HPSE2: variants seen among roughly 807,000 people sequenced by gnomAD.
HPSE2 encodes inactive heparanase-2.
HPSE2 carries 38 observed loss-of-function variants against 60.5 expected under a neutral mutation model. The ratio of observed to expected loss-of-function variants is 0.63; its 90% CI spans 0.48 to 0.82. The LOEUF (loss-of-function observed/expected upper bound fraction) is 0.82, where lower values mean the gene tolerates loss of function less well. Ranked by LOEUF, HPSE2 falls within the 40% of genes least tolerant of loss-of-function variation. HPSE2 has a pLI of 0.00. For missense variants in HPSE2, 713 were observed against 740.4 expected (o/e 0.96, Z 0.43); for synonymous variants, 295 against 293.2 (o/e 1.01, Z -0.06).
chr10:99,013,454 T>G (rs964813496), intron 3 of HPSE2: 4 of 479,192 alleles, frequency 8.3e-6, no homozygotes, highest in African/African-American at 4.1e-5. Flanking sequence ...CATTAGGAAA[T>G]GTATATTATT....
intron 4 of HPSE2, among the ~76,000 whole-genome samples, chr10:98,726,280 A>G (rs1260490628): frequency 6.6e-6 from 1 of 152,160 alleles, no homozygotes; most frequent in African/African-American, 2.4e-5. Context: ...TGTGGCACAT[A>G]TACACCATGG....
At chr10:98,957,662 T>C (rs1955544483) in intron 3 of HPSE2, among the ~76,000 whole-genome samples, 1 of 152,150 alleles carries the variant, frequency 6.6e-6, no homozygotes, top group Admixed American at 6.6e-5. Context: ...ATAACGTGGC[T>C]CTGGTTCTTG....
chr10:98,942,755 C>T (rs914123315), intron 3 of HPSE2, among the ~76,000 whole-genome samples: 2 of 152,096 alleles, frequency 1.3e-5, no homozygotes, highest in African/African-American at 4.8e-5. Flanking sequence ...GACTATAAAT[C>T]ATGCTGCTAT....
chr10:99,145,950 A>G (rs1479435863), intron 2 of HPSE2, among the ~76,000 whole-genome samples: 1 of 152,232 alleles, frequency 6.6e-6, no homozygotes, highest in Non-Finnish European at 1.5e-5. Context: ...TCTTAGATTA[A>G]AACAGGAGAG....
At chr10:98,799,420 C>A (rs571535661) in intron 3 of HPSE2, among the ~76,000 whole-genome samples, 9 of 152,078 alleles carry the variant, frequency 5.9e-5, no homozygotes, top group Non-Finnish European at 1.3e-4. Flanking sequence ...ACTTCATCTG[C>A]GCTATAGAAC....
At chr10:98,781,164 A>G (rs1052624833) in intron 3 of HPSE2, among the ~76,000 whole-genome samples, 2 of 151,988 alleles carry the variant, frequency 1.3e-5, no homozygotes, top group African/African-American at 4.8e-5. Flanking sequence ...AACCACTAAC[A>G]TCTAGATTTA....
chr10:99,308,317 T>C, the HPSE2 span, among the ~76,000 whole-genome samples: 3 of 137,066 alleles, frequency 2.2e-5, no homozygotes, highest in African/African-American at 5.6e-5. Flanking sequence ...GAGGTGGAGG[T>C]TGCAGTGAGC....
the HPSE2 span, among the ~76,000 whole-genome samples, chr10:99,307,070 A>G: frequency 6.6e-6 from 1 of 152,088 alleles, no homozygotes; most frequent in Non-Finnish European, 1.5e-5. Context: ...AATATACTTT[A>G]AGTTGCTGCC....
rs191083189 is a variant in HPSE2 at position 98,703,504 on chromosome 10, C to T, written c.957-9557G>A. Reference sequence around the variant, plus strand: ...AAAAAAGAAAACTTCAGGCCAATATCGAAGCAAAAATCCTCAATAAAATGC... The same window carrying T: ...AAAAAAGAAAACTTCAGGCCAATATTGAAGCAAAAATCCTCAATAAAATGC... On this transcript the variant is annotated intron_variant, in intron 5 of 11. Transcript: ENST00000370552. Among the ~76,000 whole-genome samples the T allele has an allele frequency of 4.0e-3, 599 of 151,250 alleles. 4 individuals are homozygous for T. The highest frequency in any genetic ancestry group is 0.013 in the African/African-American group (545 of 41,408).
At chr10:98,610,111 G>A (rs1052921841) in intron 9 of HPSE2, among the ~76,000 whole-genome samples, 5 of 152,128 alleles carry the variant, frequency 3.3e-5, no homozygotes, top group African/African-American at 1.2e-4. Context: ...AAAGTGCTGG[G>A]ATTACAGGCG....
At position 98,843,956 on chromosome 10, in the gene HPSE2, G is replaced by C. The variant is rs148196704; in HGVS notation, c.611-99900C>G. On this transcript the variant is annotated intron_variant, in intron 3 of 11. Coordinates refer to ENST00000370552, the MANE Select transcript of HPSE2 (RefSeq NM_021828.5). ...TGCTTCAATTCTAATTCTGATTAAAGACTGATTCTCTTTCATTCCTAGGAT... is the reference window on the plus strand; with the variant it reads ...TGCTTCAATTCTAATTCTGATTAAACACTGATTCTCTTTCATTCCTAGGAT... Among the ~76,000 whole-genome samples, 159 of 152,286 alleles carry C rather than the reference G, an allele frequency of 1.0e-3. 1 individual carries two copies. The highest frequency in any genetic ancestry group is 3.7e-3 in the African/African-American group (154 of 41,562).
intron 3 of HPSE2, among the ~76,000 whole-genome samples, chr10:98,778,470 G>C (rs1252406041): frequency 6.6e-6 from 1 of 152,096 alleles, no homozygotes. Context: ...GTTAGTGCGG[G>C]ATGTGAGGGT....
the HPSE2 span, among the ~76,000 whole-genome samples, chr10:99,252,042 T>C: frequency 6.6e-6 from 1 of 151,682 alleles, no homozygotes; most frequent in Non-Finnish European, 1.5e-5. Context: ...TTGAAACACA[T>C]ACATACATAC....
chr10:98,849,024 A>G (rs530205545), intron 3 of HPSE2, among the ~76,000 whole-genome samples: 2 of 152,204 alleles, frequency 1.3e-5, no homozygotes, highest in Non-Finnish European at 2.9e-5. Context: ...GACAAAAAAA[A>G]AAAAATTATA....
intron 3 of HPSE2, among the ~76,000 whole-genome samples, chr10:98,863,225 G>A (rs139945950): frequency 8.3e-4 from 127 of 152,188 alleles, no homozygotes; most frequent in Admixed American, 5.6e-3. Flanking sequence ...AATTGGAAAA[G>A]AAAATTACAA....
chr10:98,640,362 G>T (rs1436045086), intron 7 of HPSE2, among the ~76,000 whole-genome samples: 3 of 152,192 alleles, frequency 2.0e-5, no homozygotes, highest in African/African-American at 7.2e-5. Flanking sequence ...ACAGATAAGG[G>T]TGCTGGCCAA....
chr10:98,736,502 T>A (rs566815110), intron 4 of HPSE2, among the ~76,000 whole-genome samples: 1 of 152,284 alleles, frequency 6.6e-6, no homozygotes, highest in African/African-American at 2.4e-5. Flanking sequence ...CCAATGTAAT[T>A]CAAACTTCAC....
rs1167652518 is a variant in HPSE2 at position 98,673,576 on chromosome 10, C to A, written c.1004+20324G>T. Among the ~76,000 whole-genome samples, 5 of 152,306 alleles carry A rather than the reference C, an allele frequency of 3.3e-5. No homozygotes were observed. The East Asian group carries it at 9.6e-4, about 29-fold the overall frequency. On this transcript the variant is annotated intron_variant, in intron 6 of 11. Transcript: ENST00000370552. ...GGGGAGCATGTGACTCATCCACCCA[C>A]AGCCACACACAAACTCAATTATCAT...
At chr10:99,114,041 C>CAA (rs1283715367) in intron 3 of HPSE2, among the ~76,000 whole-genome samples, 4 of 152,218 alleles carry the variant, frequency 2.6e-5, no homozygotes, top group African/African-American at 9.6e-5. Flanking sequence ...ATGTGAACTG[C>CAA]AACACGTTGA....
Sources: gnomAD v4.1 joint callset for allele counts (sites outside exome capture counted in the v4.1 genomes callset) on GRCh38, gnomAD v4.1.1 for gene constraint, MANE v1.5 for transcripts, NCBI Gene and HGNC (gene_info 2026-07-23, HGNC 2026-07-21) for gene names.